ZFHX3: variants seen among roughly 807,000 people sequenced by gnomAD.
The protein encoded by ZFHX3 is zinc finger homeobox 3.
Under a neutral mutation model 279.1 loss-of-function variants are expected in ZFHX3, and 42 were observed. The observed-to-expected ratio is 0.15, with a 90% CI of 0.12 to 0.19. The LOEUF is 0.19. ZFHX3 is among the 10% of genes least tolerant of loss of function. The pLI is 1.00. For missense variants in ZFHX3, 4,981 were observed against 4,754.0 expected (o/e 1.05, Z -1.40); for synonymous variants, 2,293 against 1,957.8 (o/e 1.17, Z -4.52).
Position 72,958,801 on chromosome 16 carries a change from C to A in ZFHX3, c.1345G>T (p.Gly449Trp), listed in dbSNP as rs747952099. 1 of 1,614,142 alleles carries A rather than the reference C, an allele frequency of 6.2e-7. No individual in the cohort carries two copies. The highest frequency in any genetic ancestry group is 1.7e-5 in the Admixed American group (1 of 60,012). ...TCTACCTTCTCAGAGAAGCAATCCCCGTCGCCCACTTCCTGCTTCTCTCCT... is the reference window on the plus strand; with the variant it reads ...TCTACCTTCTCAGAGAAGCAATCCCAGTCGCCCACTTCCTGCTTCTCTCCT... ...AEGEKQEVGDGDCFSEKVEPA... is the reference protein window; with the variant it reads ...AEGEKQEVGDWDCFSEKVEPA... The change falls in exon 2 of 10, where the codon GGG (glycine) becomes TGG (tryptophan). Residue 449 changes from glycine (G) to tryptophan (W), a missense_variant. Coordinates refer to ENST00000268489, the MANE Select transcript of ZFHX3 (RefSeq NM_006885.4).
intron 2 of ZFHX3, among the ~76,000 whole-genome samples, chr16:73,668,205 G>C (rs1361701773): frequency 6.6e-6 from 1 of 152,134 alleles, no homozygotes. Flanking sequence ...ACTAGCCATT[G>C]TAAGTATCCA....
At chr16:73,099,452 T>TTTGGGAG (rs1450194410) in intron 7 of ZFHX3, 6 of 152,260 alleles carry the variant, frequency 3.9e-5, no homozygotes, top group African/African-American at 1.4e-4. Context: ...GGCTCACACC[T>TTTGGGAG]GTAATCCCTG....
At chr16:73,400,148 C>T (rs2017220706) in intron 3 of ZFHX3, 1 of 151,450 alleles carries the variant, frequency 6.6e-6, no homozygotes, top group Non-Finnish European at 1.5e-5. Flanking sequence ...GATGAGGAAA[C>T]TGAGGCCCAG....
intron 7 of ZFHX3, among the ~76,000 whole-genome samples, chr16:73,130,508 C>T (rs546553471): frequency 7.7e-4 from 118 of 152,336 alleles, no homozygotes; most frequent in Admixed American, 4.6e-3. Flanking sequence ...GTGACACTGG[C>T]GTGGAGCCAG....
intron 1 of ZFHX3, among the ~76,000 whole-genome samples, chr16:73,788,470 CA>C (rs1251083347): frequency 1.3e-5 from 2 of 152,134 alleles, no homozygotes; most frequent in African/African-American, 2.4e-5. Context: ...AATTATTATA[CA>C]AAGTGACTTC....
intron 2 of ZFHX3, among the ~76,000 whole-genome samples, chr16:73,553,730 C>T (rs940565981): frequency 6.6e-6 from 1 of 152,182 alleles, no homozygotes; most frequent in Non-Finnish European, 1.5e-5. Context: ...GGGGATCCCA[C>T]CTGGCTAGAT....
At chr16:73,398,986 T>A (rs1224919182) in intron 3 of ZFHX3, among the ~76,000 whole-genome samples, 1 of 151,456 alleles carries the variant, frequency 6.6e-6, no homozygotes, top group Non-Finnish European at 1.5e-5. Flanking sequence ...TGTCTCAGCC[T>A]CCCAAGTAGC....
At chr16:73,482,855 C>G (rs958110400) in intron 2 of ZFHX3, among the ~76,000 whole-genome samples, 5 of 152,134 alleles carry the variant, frequency 3.3e-5, no homozygotes. Flanking sequence ...CTCACTTATT[C>G]GCTTTAACAA....
intron 2 of ZFHX3, among the ~76,000 whole-genome samples, chr16:73,643,341 G>T (rs1372115814): frequency 6.6e-6 from 1 of 152,156 alleles, no homozygotes. Context: ...ATATTTTTAA[G>T]GGTGATGATT....
chr16:73,285,696 C>T (rs56267056), intron 4 of ZFHX3, among the ~76,000 whole-genome samples: 27,019 of 152,240 alleles, frequency 0.18, 2,729 homozygotes, highest in Middle Eastern at 0.26. Context: ...GCTTTCACAT[C>T]TTACTCATAT....
At chr16:73,365,099 C>T (rs987993092) in intron 3 of ZFHX3, among the ~76,000 whole-genome samples, 4 of 152,098 alleles carry the variant, frequency 2.6e-5, no homozygotes, top group East Asian at 3.9e-4. Context: ...CCACATGTTT[C>T]GAGAAGAGAG....
chr16:73,155,927 T>C (rs991435684), intron 5 of ZFHX3, among the ~76,000 whole-genome samples: 1 of 152,096 alleles, frequency 6.6e-6, no homozygotes, highest in African/African-American at 2.4e-5. Context: ...ATATATGTTA[T>C]ATATGTAAGA....
chr16:73,153,979 C>T (rs892449613), intron 5 of ZFHX3, among the ~76,000 whole-genome samples: 2 of 152,138 alleles, frequency 1.3e-5, no homozygotes, highest in Non-Finnish European at 2.9e-5. Flanking sequence ...GCTGGGATTA[C>T]AGGTGTGAGC....
At chr16:73,152,822 G>C (rs900698047) in intron 5 of ZFHX3, among the ~76,000 whole-genome samples, 25 of 150,346 alleles carry the variant, frequency 1.7e-4, no homozygotes, top group African/African-American at 6.1e-4. Context: ...GAAGGGGGCT[G>C]GGGGGAAGGG....
chr16:72,937,552 G>A (rs1213840951), intron 3 of ZFHX3, among the ~76,000 whole-genome samples: 1 of 152,236 alleles, frequency 6.6e-6, no homozygotes, highest in African/African-American at 2.4e-5. Context: ...TTCAGAGTGA[G>A]GGGTTGCTGG....
chr16:72,959,612 C>G lies in ZFHX3; in HGVS notation c.534G>C (p.Gly178=), dbSNP rs147876979. 8.1e-6 allele frequency: 13 copies of G among 1,614,160 alleles called. No individual in the cohort carries two copies. In the East Asian group the frequency reaches 2.9e-4, roughly 36 times the overall value. Residue 178 remains glycine (G), a synonymous_variant, in exon 2 of 10, where the codon GGG becomes GGC. Transcript: ENST00000268489. The stretch of plus-strand genomic sequence containing the variant: ...CACACGAAGGGTCCCCTTGCTTGCC[C>G]CCCGCGCCAGGGAGAGAGTTCAGGA... ...SLFLNSLPGA[G]GKQGDPSCAA... is the part of the protein sequence containing the mutation.
At chr16:73,144,967 G>A (rs1966857015) in intron 5 of ZFHX3, among the ~76,000 whole-genome samples, 1 of 152,018 alleles carries the variant, frequency 6.6e-6, no homozygotes. Flanking sequence ...CTCATATAAT[G>A]TACATTTCAG....
intron 5 of ZFHX3, among the ~76,000 whole-genome samples, chr16:73,152,366 A>T (rs1966964957): frequency 6.6e-6 from 1 of 152,202 alleles, no homozygotes; most frequent in South Asian, 2.1e-4. Flanking sequence ...ATTATTTTCC[A>T]TTGTCAATGT....
chr16:73,289,584 C>T (rs1186784689), intron 4 of ZFHX3, among the ~76,000 whole-genome samples: 2 of 152,032 alleles, frequency 1.3e-5, no homozygotes, highest in Non-Finnish European at 2.9e-5. Context: ...AGGTCCTAGG[C>T]TGGCAATCCA....
Sources: gnomAD v4.1 joint callset for allele counts (sites outside exome capture counted in the v4.1 genomes callset) on GRCh38, gnomAD v4.1.1 for gene constraint, MANE v1.5 for transcripts, NCBI Gene and HGNC (gene_info 2026-07-23, HGNC 2026-07-21) for gene names.